SPIDR: variants seen among roughly 807,000 people sequenced by gnomAD.
The protein encoded by SPIDR is scaffold protein involved in DNA repair.
In SPIDR, 93 loss-of-function variants were observed where a neutral mutation model predicts 104.6. The observed-to-expected ratio is 0.89, with a 90% CI of 0.75 to 1.06. SPIDR has a LOEUF of 1.06. SPIDR is among the 50% of genes least tolerant of loss of function. The pLI is 0.00. For missense variants in SPIDR, 1,154 were observed against 1,111.2 expected (o/e 1.04, Z -0.55); for synonymous variants, 431 against 416.9 (o/e 1.03, Z -0.41).
chr8:47,531,687 TC>T (rs1292592385), intron 8 of SPIDR, among the ~76,000 whole-genome samples: 3 of 152,144 alleles, frequency 2.0e-5, no homozygotes, highest in Admixed American at 6.6e-5. Flanking sequence ...TACCTCTTCT[TC>T]CGGTATGCAT....
intron 5 of SPIDR, among the ~76,000 whole-genome samples, chr8:47,353,558 A>G (rs1372763641): frequency 6.6e-6 from 1 of 152,164 alleles, no homozygotes; most frequent in South Asian, 2.1e-4. Context: ...GGGTTGGAGC[A>G]ATTGTTCAAG....
intron 3 of SPIDR, among the ~76,000 whole-genome samples, chr8:47,287,539 A>G (rs898925398): frequency 6.6e-6 from 1 of 152,132 alleles, no homozygotes; most frequent in Non-Finnish European, 1.5e-5. Context: ...GTGGCCGTTT[A>G]TAGACCTCCC....
At position 47,617,997 on chromosome 8, in the gene SPIDR, C is replaced by T. The variant is rs545588704; in HGVS notation, c.1544+18801C>T. On this transcript the variant is annotated intron_variant, in intron 10 of 19. Coordinates refer to ENST00000297423, the MANE Select transcript of SPIDR (RefSeq NM_001080394.4). The stretch of plus-strand genomic sequence containing the variant: ...TCAAGACTTGCCACAGCTTTGGGTA[C>T]GCTATGTTCTAATAGATTTCCTTTA... Among the ~76,000 whole-genome samples, 6 of 152,244 alleles carry T rather than the reference C, an allele frequency of 3.9e-5. No individual in the cohort carries two copies. In the South Asian group the frequency reaches 8.3e-4, roughly 21 times the overall value.
intron 5 of SPIDR, among the ~76,000 whole-genome samples, chr8:47,350,383 G>A (rs1474433063): frequency 2.0e-5 from 3 of 152,090 alleles, no homozygotes; most frequent in Admixed American, 6.5e-5. Flanking sequence ...GCGCAATCTC[G>A]GCCCACTGCA....
intron 17 of SPIDR, chr8:47,728,674 C>G: frequency 2.9e-6 from 1 of 343,682 alleles, no homozygotes; most frequent in Non-Finnish European, 5.3e-6. Context: ...ACCTCCCTTC[C>G]TGGGAGGCTC....
intron 5 of SPIDR, among the ~76,000 whole-genome samples, chr8:47,300,325 A>G (rs587595505): frequency 6.6e-6 from 1 of 152,142 alleles, no homozygotes; most frequent in African/African-American, 2.4e-5. Context: ...TATTCCGTCT[A>G]TCTGATTCTT....
intron 5 of SPIDR, among the ~76,000 whole-genome samples, chr8:47,366,851 A>G (rs1554634927): frequency 6.6e-6 from 1 of 152,220 alleles, no homozygotes; most frequent in Admixed American, 6.5e-5. Flanking sequence ...ATTGAAAACT[A>G]AAGAATCTCA....
chr8:47,524,814 G>A (rs543885792), intron 8 of SPIDR, among the ~76,000 whole-genome samples: 1 of 152,352 alleles, frequency 6.6e-6, no homozygotes, highest in South Asian at 2.1e-4. Context: ...TTAATACTCA[G>A]TATTCAAAGG....
At position 47,557,584 on chromosome 8, in the gene SPIDR, A is replaced by G. The variant is rs367562716; in HGVS notation, c.1098-38227A>G. On this transcript the variant is annotated intron_variant, in intron 8 of 19. Coordinates refer to ENST00000297423, the MANE Select transcript of SPIDR (RefSeq NM_001080394.4). ...TGCTAAGCTATGTCATTGTTACTGT[A>G]TTAAAGTGTGAATAACCTGGAGGGC... is the stretch of plus-strand genomic sequence containing the variant. 4.6e-5 allele frequency among the ~76,000 whole-genome samples: 7 copies of G among 152,318 alleles called. No homozygotes were observed. In the South Asian group the frequency reaches 6.2e-4, roughly 14 times the overall value.
chr8:47,676,032 A>G (rs1384014498), intron 11 of SPIDR, among the ~76,000 whole-genome samples: 1 of 152,232 alleles, frequency 6.6e-6, no homozygotes, highest in Non-Finnish European at 1.5e-5. Flanking sequence ...TGCAGGACGT[A>G]GCATCTTACA....
chr8:47,329,320 C>G (rs993543919), intron 5 of SPIDR, among the ~76,000 whole-genome samples: 3 of 152,168 alleles, frequency 2.0e-5, no homozygotes, highest in Non-Finnish European at 4.4e-5. Flanking sequence ...ATCCGCCCGC[C>G]TCAGCCTCCC....
intron 8 of SPIDR, among the ~76,000 whole-genome samples, chr8:47,572,898 C>G (rs1202605033): frequency 2.0e-5 from 3 of 152,062 alleles, no homozygotes; most frequent in Admixed American, 2.0e-4. Flanking sequence ...CCCAAGGAAG[C>G]TCCCTAAGCC....
chr8:47,457,667 GC>G (rs1348092032), intron 8 of SPIDR, among the ~76,000 whole-genome samples: 1 of 151,972 alleles, frequency 6.6e-6, no homozygotes, highest in Non-Finnish European at 1.5e-5. Context: ...CTTTGTCTAA[GC>G]CCATGTCTAC....
intron 8 of SPIDR, among the ~76,000 whole-genome samples, chr8:47,537,193 C>G (rs763868551): frequency 1.3e-5 from 2 of 152,188 alleles, no homozygotes; most frequent in Non-Finnish European, 2.9e-5. Context: ...ACCATATGAT[C>G]CAGCAATTGC....
chr8:47,729,572 T>A, intron 19 of SPIDR, 107 bp downstream of exon 19: 1 of 1,293,032 alleles, frequency 7.7e-7, no homozygotes, highest in Non-Finnish European at 1.1e-6. Context: ...TTACAACCCA[T>A]CCCACTAGGA....
At chr8:47,574,099 T>A (rs2058816630) in intron 8 of SPIDR, among the ~76,000 whole-genome samples, 1 of 152,196 alleles carries the variant, frequency 6.6e-6, no homozygotes, top group South Asian at 2.1e-4. Flanking sequence ...CTCTATGTGG[T>A]AATAATTAAA....
In SPIDR at chr8:47,422,754, C is replaced by T. The variant is rs542688007; in HGVS notation, c.877+14793C>T. 3.9e-5 allele frequency among the ~76,000 whole-genome samples: 6 copies of T among 152,254 alleles called. No individual in the cohort carries two copies. The South Asian group carries it at 1.2e-3, about 32-fold the overall frequency. On this transcript the variant is annotated intron_variant, in intron 7 of 19. Coordinates refer to ENST00000297423, the MANE Select transcript of SPIDR (RefSeq NM_001080394.4). ...TCCTGTTGGGCCATCTTGGCTCCAC[C>T]CCTCTGCAGTGAATTCTAATACATC...
intron 8 of SPIDR, chr8:47,592,603 T>G (rs879176659): frequency 5.2e-5 from 63 of 1,207,098 alleles, no homozygotes; most frequent in Non-Finnish European, 7.0e-5. Context: ...GGGGCAGCCC[T>G]GCCATCTTAT....
At position 47,415,242 on chromosome 8, in the gene SPIDR, T is replaced by A. The variant is rs779240955; in HGVS notation, c.877+7281T>A. Among the ~76,000 whole-genome samples, 212 of 152,246 alleles carry A rather than the reference T, an allele frequency of 1.4e-3. 1 individual carries two copies. The highest frequency in any genetic ancestry group is 2.5e-3 in the Non-Finnish European group (167 of 68,020). On this transcript the variant is annotated intron_variant, in intron 7 of 19. Transcript: ENST00000297423. ...AAAACACTTTGTATTTAAAAATAAT[T>A]GTAGATTGACATGCAGTTAGAAATA...
Sources: gnomAD v4.1 joint callset for allele counts (sites outside exome capture counted in the v4.1 genomes callset) on GRCh38, gnomAD v4.1.1 for gene constraint, MANE v1.5 for transcripts, NCBI Gene and HGNC (gene_info 2026-07-23, HGNC 2026-07-21) for gene names.